PDE4D: variants seen among roughly 807,000 people sequenced by gnomAD.
PDE4D encodes the protein 3',5'-cyclic-AMP phosphodiesterase 4D.
In PDE4D, 24 loss-of-function variants were observed where a neutral mutation model predicts 87.4. The ratio of observed to expected loss-of-function variants is 0.27; its 90% CI spans 0.20 to 0.39. The LOEUF (loss-of-function observed/expected upper bound fraction) is 0.39, where lower values mean the gene tolerates loss of function less well. Among genes scored for constraint, PDE4D ranks in the 10% least tolerant of loss-of-function variants. The pLI, the probability that PDE4D is intolerant of heterozygous loss-of-function variation, is 1.00. For missense variants in PDE4D, 714 were observed against 1,041.0 expected, an observed-to-expected ratio of 0.69 and a Z score of 4.32; for synonymous variants, 384 against 383.2, an observed-to-expected ratio of 1.00 and a Z score of -0.02.
intron 1 of PDE4D, among the ~76,000 whole-genome samples, chr5:59,420,987 G>T (rs754647035): frequency 2.0e-5 from 3 of 152,096 alleles, no homozygotes; most frequent in Non-Finnish European, 2.9e-5. Flanking sequence ...ACCTCCGTAC[G>T]CGTATGTGTT....
intron 2 of PDE4D, among the ~76,000 whole-genome samples, chr5:60,181,787 T>C (rs987071766): frequency 1.3e-5 from 2 of 152,332 alleles, no homozygotes; most frequent in South Asian, 2.1e-4. Flanking sequence ...AATTAAAATT[T>C]ATCTAGTTTA....
chr5:60,051,014 T>C (rs1478368204), intron 2 of PDE4D, among the ~76,000 whole-genome samples: 1 of 152,186 alleles, frequency 6.6e-6, no homozygotes, highest in Non-Finnish European at 1.5e-5. Context: ...TTGTACCCAA[T>C]ACAGGAGTAC....
At chr5:58,989,209 G>A (rs1407298708) in intron 10 of PDE4D, among the ~76,000 whole-genome samples, 1 of 152,128 alleles carries the variant, frequency 6.6e-6, no homozygotes, top group South Asian at 2.1e-4. Flanking sequence ...ACCATCTCCA[G>A]TTGAGAATCA....
At chr5:59,217,674 C>T (rs1201329250) in intron 1 of PDE4D, among the ~76,000 whole-genome samples, 1 of 152,158 alleles carries the variant, frequency 6.6e-6, no homozygotes, top group African/African-American at 2.4e-5. Flanking sequence ...GTTAATTGAC[C>T]AGTCACTGAG....
intron 1 of PDE4D, among the ~76,000 whole-genome samples, chr5:60,406,976 C>T (rs778252133): frequency 1.3e-5 from 2 of 151,992 alleles, no homozygotes; most frequent in African/African-American, 2.4e-5. Context: ...GCACCAAGAG[C>T]AGTGTGTTCA....
intron 1 of PDE4D, among the ~76,000 whole-genome samples, chr5:60,213,832 T>C (rs1303388896): frequency 1.3e-5 from 2 of 152,158 alleles, no homozygotes; most frequent in Non-Finnish European, 1.5e-5. Context: ...TGCAGCCTTC[T>C]CAGACTCGTC....
intron 1 of PDE4D, among the ~76,000 whole-genome samples, chr5:59,583,871 C>T (rs143255693): frequency 5.5e-4 from 84 of 152,320 alleles, no homozygotes; most frequent in African/African-American, 1.9e-3. Context: ...AGAAAGAGGA[C>T]CAGCACATGC....
chr5:59,299,502 G>A (rs756575409), intron 1 of PDE4D, among the ~76,000 whole-genome samples: 4 of 152,014 alleles, frequency 2.6e-5, no homozygotes, highest in Non-Finnish European at 4.4e-5. Context: ...TTATATTGGG[G>A]TCTACTGCTG....
intron 1 of PDE4D, among the ~76,000 whole-genome samples, chr5:59,545,974 C>A (rs1172588782): frequency 6.6e-6 from 1 of 152,118 alleles, no homozygotes; most frequent in Non-Finnish European, 1.5e-5. Context: ...TGAGTCCACC[C>A]CTTCGTATTC....
At chr5:59,407,780 G>T (rs1169801264) in intron 1 of PDE4D, among the ~76,000 whole-genome samples, 6 of 152,190 alleles carry the variant, frequency 3.9e-5, no homozygotes, top group Non-Finnish European at 7.3e-5. Context: ...GTGAAAGTTT[G>T]AACTTAAGAG....
At chr5:59,453,346 G>A (rs1799442406) in intron 1 of PDE4D, among the ~76,000 whole-genome samples, 1 of 152,172 alleles carries the variant, frequency 6.6e-6, no homozygotes, top group South Asian at 2.1e-4. Context: ...GTGAGGTGAA[G>A]AGCAGCACAT....
intron 5 of PDE4D, among the ~76,000 whole-genome samples, chr5:59,131,439 T>C (rs4700321): frequency 0.1 from 15,541 of 152,198 alleles, 1,128 homozygotes; most frequent in East Asian, 0.27. Flanking sequence ...TAGCTGTGTT[T>C]CGCACTGCAA....
At chr5:58,993,336 G>T in intron 7 of PDE4D, 36 bp downstream of exon 7, 1 of 1,274,432 alleles carries the variant, frequency 7.8e-7, no homozygotes, top group Non-Finnish European at 1.1e-6. Flanking sequence ...GCAAACAACT[G>T]AAGAAAAAAA....
intron 1 of PDE4D, among the ~76,000 whole-genome samples, chr5:60,377,990 A>C (rs1435509567): frequency 2.6e-5 from 4 of 152,280 alleles, no homozygotes; most frequent in Non-Finnish European, 5.9e-5. Flanking sequence ...AAGTCTGCTC[A>C]CTCTTGGAAG....
At chr5:59,143,412 T>C (rs1778188035) in intron 5 of PDE4D, among the ~76,000 whole-genome samples, 1 of 152,206 alleles carries the variant, frequency 6.6e-6, no homozygotes, top group African/African-American at 2.4e-5. Flanking sequence ...TGGGCAGATA[T>C]ATCAATTTAA....
chr5:60,478,326 A>G (rs1583890729), intron 1 of PDE4D, among the ~76,000 whole-genome samples: 2 of 152,166 alleles, frequency 1.3e-5, no homozygotes, highest in South Asian at 4.1e-4. Context: ...GATTTTTTTT[A>G]CAAGTATAAA....
chr5:59,810,617 G>A (rs1186779660), intron 1 of PDE4D, among the ~76,000 whole-genome samples: 2 of 152,072 alleles, frequency 1.3e-5, no homozygotes, highest in African/African-American at 4.8e-5. Context: ...TCCCACCCCT[G>A]GGATCCACCA....
At chr5:58,999,132 C>A (rs1749891159) in intron 6 of PDE4D, among the ~76,000 whole-genome samples, 2 of 152,124 alleles carry the variant, frequency 1.3e-5, no homozygotes, top group South Asian at 2.1e-4. Context: ...ATTTTATAAA[C>A]TTTATGTGCA....
intron 1 of PDE4D, among the ~76,000 whole-genome samples, chr5:59,785,914 G>A (rs1320029910): frequency 6.6e-6 from 1 of 151,830 alleles, no homozygotes; most frequent in South Asian, 2.1e-4. Flanking sequence ...CATATGGTTG[G>A]TCAGGTTATG....
Sources: gnomAD v4.1 joint callset for allele counts (sites outside exome capture counted in the v4.1 genomes callset) on GRCh38, gnomAD v4.1.1 for gene constraint, MANE v1.5 for transcripts, NCBI Gene and HGNC (gene_info 2026-07-23, HGNC 2026-07-21) for gene names.